Variants in RPA1 observed in about 807,000 individuals in gnomAD.
RPA1 encodes replication protein A 70 kDa DNA-binding subunit.
In RPA1, 49 loss-of-function variants were observed where a neutral mutation model predicts 83.0. The ratio of observed to expected loss-of-function variants is 0.59; its 90% CI spans 0.47 to 0.75. RPA1 has a LOEUF of 0.75. Among genes scored for constraint, RPA1 ranks in the 30% least tolerant of loss-of-function variants. The pLI is 0.00. For missense variants in RPA1, 693 were observed against 776.1 expected, an observed-to-expected ratio of 0.89 and a Z score of 1.27; for synonymous variants, 279 against 281.8, an observed-to-expected ratio of 0.99 and a Z score of 0.10.
chr17:1,844,387 A>G (rs1912177367), intron 3 of RPA1, among the ~76,000 whole-genome samples, 191 bp from the exon 4 acceptor site: 1 of 152,236 alleles, frequency 6.6e-6, no homozygotes, highest in African/African-American at 2.4e-5. Context: ...TAACAAATTC[A>G]CACATTTAAG....
intron 5 of RPA1, among the ~76,000 whole-genome samples, chr17:1,860,728 G>C (rs548737978): frequency 3.3e-5 from 5 of 152,090 alleles, no homozygotes; most frequent in Admixed American, 2.0e-4. Context: ...CGGCCTCTCC[G>C]ATCATGGATC....
intron 13 of RPA1, among the ~76,000 whole-genome samples, chr17:1,885,725 C>T (rs1194607152): frequency 1.3e-5 from 2 of 152,086 alleles, no homozygotes. Context: ...CAGGTGTGAG[C>T]GACTGTGCCC....
At chr17:1,868,917 A>G (rs1567816400) in intron 5 of RPA1, among the ~76,000 whole-genome samples, 1 of 152,364 alleles carries the variant, frequency 6.6e-6, no homozygotes, top group East Asian at 1.9e-4. Flanking sequence ...TATGGCTAAC[A>G]ATATTTTACT....
intron 4 of RPA1, among the ~76,000 whole-genome samples, chr17:1,848,629 A>G (rs1287704434): frequency 7.3e-6 from 1 of 137,924 alleles, no homozygotes; most frequent in Non-Finnish European, 1.6e-5. Context: ...CAATGGTGCC[A>G]TCTCGGCTCA....
At chr17:1,839,973 T>C (rs1911984058) in intron 1 of RPA1, among the ~76,000 whole-genome samples, 1 of 150,216 alleles carries the variant, frequency 6.7e-6, no homozygotes, top group East Asian at 2.0e-4. Context: ...TTGTATTTTT[T>C]GTAGAGACGG....
intron 5 of RPA1, chr17:1,858,307 C>T (rs1340953515): frequency 6.2e-7 from 1 of 1,610,294 alleles, no homozygotes; most frequent in Non-Finnish European, 8.5e-7. Context: ...AAGAGAGACC[C>T]CTGCACTCAA....
At chr17:1,862,803 C>T (rs969943218) in intron 5 of RPA1, among the ~76,000 whole-genome samples, 3 of 137,418 alleles carry the variant, frequency 2.2e-5, no homozygotes, top group Non-Finnish European at 4.6e-5. Flanking sequence ...CTCACTGCAA[C>T]CTCCCCCGGG....
At chr17:1,843,598 C>CATT (rs139126914) in intron 2 of RPA1, among the ~76,000 whole-genome samples, 14,679 of 140,970 alleles carry the variant, frequency 0.1, 852 homozygotes, top group Admixed American at 0.14. Flanking sequence ...TTGGGTGCTT[C>CATT]ATTATTATTA....
intron 4 of RPA1, among the ~76,000 whole-genome samples, chr17:1,846,264 G>C (rs1364546309): frequency 1.4e-5 from 2 of 145,830 alleles, no homozygotes; most frequent in Non-Finnish European, 3.0e-5. Context: ...ATCTGGAGAA[G>C]TCTTAAGGCC....
At chr17:1,882,244 T>G (rs1017347049) in intron 12 of RPA1, among the ~76,000 whole-genome samples, 1 of 152,100 alleles carries the variant, frequency 6.6e-6, no homozygotes, top group Non-Finnish European at 1.5e-5. Flanking sequence ...GTACAATCAG[T>G]TTTCATAATA....
At chr17:1,874,762 C>G (rs991312792) in intron 6 of RPA1, among the ~76,000 whole-genome samples, 1 of 152,182 alleles carries the variant, frequency 6.6e-6, no homozygotes, top group Non-Finnish European at 1.5e-5. Context: ...AAAATTTCAA[C>G]ACAGAAACAC....
At chr17:1,851,457 C>T (rs1912494828) in intron 4 of RPA1, among the ~76,000 whole-genome samples, 1 of 152,144 alleles carries the variant, frequency 6.6e-6, no homozygotes, top group African/African-American at 2.4e-5. Flanking sequence ...GTGCAGTTTC[C>T]CCCAGTCTGG....
intron 7 of RPA1, 112 bp downstream of exon 7, chr17:1,875,905 A>G: frequency 9.0e-7 from 1 of 1,111,072 alleles, no homozygotes; most frequent in Non-Finnish European, 1.2e-6. Context: ...AATACCACCA[A>G]ATAGAATGGG....
Position 1,897,061 on chromosome 17 carries a change from C to T in RPA1, c.1747-10C>T, listed in dbSNP as rs757741227. On this transcript the variant is annotated splice_polypyrimidine_tract_variant and intron_variant, in intron 16 of 16. Coordinates refer to ENST00000254719, the MANE Select transcript of RPA1 (RefSeq NM_002945.5). Reference sequence around the variant, plus strand: ...TTCACTGCTCACAAACTACTTCTCCCTTTTTGAAGGACGAGTCTCGAATTA... The same window carrying T: ...TTCACTGCTCACAAACTACTTCTCCTTTTTTGAAGGACGAGTCTCGAATTA... The T allele has an allele frequency of 1.0e-4, 159 of 1,560,784 alleles. 1 individual carries two copies. The highest frequency in any genetic ancestry group is 1.3e-4 in the Non-Finnish European group (155 of 1,151,844).
intron 5 of RPA1, among the ~76,000 whole-genome samples, chr17:1,861,161 A>C (rs1912947903): frequency 1.3e-5 from 2 of 152,002 alleles, no homozygotes; most frequent in South Asian, 4.2e-4. Flanking sequence ...TCTGCTGACT[A>C]CCCAGGAAAC....
rs1010136564 is a variant in RPA1, at chr17:1,830,007, C to G, written c.-87C>G. ...GGCGGGAGCGGTGCGCGCAACTTCT[C>G]GGGCCAATAACTGCGCAGCGCGCGG... On this transcript the variant is annotated 5_prime_UTR_variant, in exon 1 of 17. Coordinates refer to ENST00000254719, the MANE Select transcript of RPA1 (RefSeq NM_002945.5). The G allele has an allele frequency of 8.2e-7, 1 of 1,214,244 alleles. No homozygotes were observed. The allele number at this position is 1,214,244 out of a possible 1,614,324, so 75.2% of individuals were successfully genotyped here.
chr17:1,861,903 A>AT (rs1912986326), intron 5 of RPA1, among the ~76,000 whole-genome samples: 2 of 145,150 alleles, frequency 1.4e-5, no homozygotes, highest in South Asian at 4.4e-4. Flanking sequence ...TTTTGTTTTT[A>AT]TTTTTTTATT....
intron 7 of RPA1, 113 bp from the exon 8 acceptor site, chr17:1,877,099 C>T (rs1256145274): frequency 2.2e-6 from 2 of 927,890 alleles, no homozygotes; most frequent in South Asian, 1.5e-5. Context: ...GATTAAAATA[C>T]AGGTTGGAAA....
chr17:1,880,802 G>A, intron 12 of RPA1, 111 bp downstream of exon 12: 1 of 1,429,624 alleles, frequency 7.0e-7, no homozygotes, highest in Non-Finnish European at 9.5e-7. Flanking sequence ...TCCCTGAGTG[G>A]TGCAGCTTCC....
Sources: allele counts gnomAD v4.1 joint callset (sites outside exome capture counted in the v4.1 genomes callset), GRCh38; gene constraint gnomAD v4.1.1; transcripts MANE v1.5; gene names NCBI Gene and HGNC (gene_info 2026-07-23, HGNC 2026-07-21).